Variants in CLDN18 observed in about 807,000 individuals in gnomAD.
The protein encoded by CLDN18 is claudin 18.
A neutral mutation model predicts 25.0 loss-of-function variants in CLDN18; 20 were observed. The ratio of observed to expected loss-of-function variants is 0.80; its 90% CI spans 0.56 to 1.16. The LOEUF (loss-of-function observed/expected upper bound fraction) is 1.16, where lower values mean the gene tolerates loss of function less well. Among genes scored for constraint, CLDN18 ranks in the 50% most tolerant of loss-of-function variants. The probability of loss-of-function intolerance (pLI) is 0.00; values close to 1 mark genes in which losing one functional copy is unlikely to be tolerated. For synonymous variants in CLDN18, 125 were observed against 135.6 expected, an observed-to-expected ratio of 0.92 and a Z score of 0.54; for missense variants, 297 against 345.4, an observed-to-expected ratio of 0.86 and a Z score of 1.11.
chr3:138,007,828 C>T (rs142733697), upstream of CLDN18, among the ~76,000 whole-genome samples: 26 of 152,308 alleles, frequency 1.7e-4, no homozygotes, highest in Non-Finnish European at 3.2e-4. Context: ...TCAATCTATG[C>T]CCACCAGCAG....
chr3:138,001,341 G>C (rs1185581694), intron 1 of CLDN18, among the ~76,000 whole-genome samples: 1 of 151,708 alleles, frequency 6.6e-6, no homozygotes, highest in Non-Finnish European at 1.5e-5. Flanking sequence ...CCTTGAATGG[G>C]GTCCTGGACT....
At chr3:138,008,163 G>A (rs992863894), upstream of CLDN18, among the ~76,000 whole-genome samples, 7 of 147,274 alleles carry the variant, frequency 4.8e-5, no homozygotes, top group Non-Finnish European at 1.0e-4. Flanking sequence ...ACAGAGGCTC[G>A]TTTCCTGGAG....
At chr3:138,026,416 G>C (rs542030146) in intron 3 of CLDN18, among the ~76,000 whole-genome samples, 1 of 152,346 alleles carries the variant, frequency 6.6e-6, no homozygotes, top group African/African-American at 2.4e-5. Context: ...GGGAGGCCAA[G>C]GTGGGTGGAT....
upstream of CLDN18, chr3:138,010,110 G>A: frequency 2.1e-6 from 3 of 1,446,804 alleles, no homozygotes; most frequent in Non-Finnish European, 2.7e-6. Context: ...CAAATACTGA[G>A]AGCCTAGGGA....
Position 138,029,891 on chromosome 3 carries a change from G to C in CLDN18, c.598G>C (p.Ala200Pro). The C allele has an allele frequency of 6.3e-7, 1 of 1,590,954 alleles. No homozygotes were observed. Among genetic ancestry groups the C allele is most frequent in the Non-Finnish European group, 8.6e-7 (1 of 1,168,206 alleles). ...VMMCIACRGL[A>P]PEETNYKAVS... The stretch of plus-strand genomic sequence containing the variant: ...GATGTGCATCGCCTGCCGGGGCCTG[G>C]CACCAGAAGAAACCAAGTGAGTCTC... Residue 200 changes from alanine to proline, a missense_variant, in exon 4 of 5, where the codon GCA becomes CCA. Physicochemically the swap from Ala to Pro is conservative, Grantham distance 27. Transcript: ENST00000183605.
intron 1 of CLDN18, among the ~76,000 whole-genome samples, chr3:137,999,544 C>G (rs1214711028): frequency 1.3e-5 from 2 of 152,138 alleles, no homozygotes; most frequent in Non-Finnish European, 2.9e-5. Context: ...AAGTAAGCAA[C>G]AGCAATAGAA....
intron 4 of CLDN18, 136 bp downstream of exon 4, chr3:138,030,043 C>T (rs574236189): frequency 2.9e-5 from 19 of 647,060 alleles, no homozygotes; most frequent in Non-Finnish European, 5.3e-5. Flanking sequence ...ATCGAAGCTT[C>T]TCTTTTAGGG....
At chr3:138,027,981 T>G (rs1487095550) in intron 3 of CLDN18, among the ~76,000 whole-genome samples, 1 of 152,216 alleles carries the variant, frequency 6.6e-6, no homozygotes, top group Non-Finnish European at 1.5e-5. Flanking sequence ...TCCCAGAACT[T>G]TTTCAAGGAC....
At chr3:138,020,646 G>T (rs1020623664) in intron 1 of CLDN18, among the ~76,000 whole-genome samples, 18 of 152,234 alleles carry the variant, frequency 1.2e-4, no homozygotes, top group Middle Eastern at 3.2e-3. Context: ...AAGGTGACTG[G>T]AGAGAGTTCT....
Position 138,010,403 on chromosome 3 carries a change from T to G in CLDN18, c.178T>G (p.Phe60Val). ...WRSCVRQSSG[F>V]TECRPYFTIL... ...GAGCTGCGTGAGGCAGAGTTCAGGC[T>G]TCACCGAATGCAGGCCCTATTTCAC... is the stretch of plus-strand genomic sequence containing the variant. The change falls in exon 1 of 5, where the codon TTC becomes GTC. Residue 60 changes from phenylalanine (F) to valine (V), a missense_variant. Phe to Val is a conservative substitution (Grantham distance 50). Coordinates refer to ENST00000183605, the MANE Select transcript of CLDN18 (RefSeq NM_016369.4). The G allele has an allele frequency of 6.2e-7, 1 of 1,614,140 alleles. No individual in the cohort carries two copies. Among genetic ancestry groups the G allele is most frequent in the Non-Finnish European group, 8.5e-7 (1 of 1,180,018 alleles).
At chr3:138,011,361 C>T (rs1471832831) in intron 1 of CLDN18, among the ~76,000 whole-genome samples, 1 of 151,948 alleles carries the variant, frequency 6.6e-6, no homozygotes, top group African/African-American at 2.4e-5. Context: ...GCTGTAGAGC[C>T]CTTGAAACTG....
intron 1 of CLDN18, among the ~76,000 whole-genome samples, 158 bp downstream of exon 1, chr3:138,010,603 T>C (rs1347289174): frequency 1.3e-5 from 2 of 152,304 alleles, no homozygotes; most frequent in South Asian, 2.1e-4. Context: ...TCGTGTCTAA[T>C]AGGGCAACAG....
At chr3:138,001,649 G>A (rs960923819) in intron 1 of CLDN18, among the ~76,000 whole-genome samples, 10 of 152,080 alleles carry the variant, frequency 6.6e-5, no homozygotes, top group Non-Finnish European at 1.5e-4. Context: ...CTCTTAAAAC[G>A]TGTGTGCGCA....
At chr3:138,020,668 G>T (rs910238745) in intron 1 of CLDN18, among the ~76,000 whole-genome samples, 1 of 152,222 alleles carries the variant, frequency 6.6e-6, no homozygotes, top group Non-Finnish European at 1.5e-5. Context: ...TCCCAGGACT[G>T]CTGGAGGAGA....
chr3:138,012,568 A>G (rs1432372046), intron 1 of CLDN18, among the ~76,000 whole-genome samples: 1 of 151,084 alleles, frequency 6.6e-6, no homozygotes, highest in African/African-American at 2.4e-5. Context: ...CACCACCCCA[A>G]CTGTCCTCTC....
At chr3:138,020,337 G>C (rs535095307) in intron 1 of CLDN18, among the ~76,000 whole-genome samples, 1 of 152,200 alleles carries the variant, frequency 6.6e-6, no homozygotes, top group African/African-American at 2.4e-5. Flanking sequence ...GTTTCTTTAG[G>C]AGAAGAGAAT....
At position 138,011,702 on chromosome 3, in the gene CLDN18, T is replaced by C; in HGVS notation, c.220+1257T>C. 1.3e-5 allele frequency among the ~76,000 whole-genome samples: 2 copies of C among 152,142 alleles called. 1 individual carries two copies. Among genetic ancestry groups the C allele is most frequent in the Non-Finnish European group, 2.9e-5 (2 of 68,028 alleles). On this transcript the variant is annotated intron_variant, in intron 1 of 4. Coordinates refer to ENST00000183605, the MANE Select transcript of CLDN18 (RefSeq NM_016369.4). ...TAAAGAAAAAATATTGTCCTCATATTCAAAATTAAGGCATGATGTCTTATG... is the reference window on the plus strand; with the variant it reads ...TAAAGAAAAAATATTGTCCTCATATCCAAAATTAAGGCATGATGTCTTATG...
At chr3:138,005,532 T>G (rs1942060190), upstream of CLDN18, among the ~76,000 whole-genome samples, 1 of 152,178 alleles carries the variant, frequency 6.6e-6, no homozygotes, top group African/African-American at 2.4e-5. Context: ...AATGGTTGTT[T>G]CTAGCTTCAT....
chr3:138,016,742 T>C (rs1033314411), intron 1 of CLDN18, among the ~76,000 whole-genome samples: 13 of 152,130 alleles, frequency 8.5e-5, no homozygotes, highest in Non-Finnish European at 1.6e-4. Context: ...GTGAAATGCC[T>C]CACAGTAAGA....
Sources: allele counts gnomAD v4.1 joint callset (sites outside exome capture counted in the v4.1 genomes callset), GRCh38; gene constraint gnomAD v4.1.1; transcripts MANE v1.5; gene names NCBI Gene and HGNC (gene_info 2026-07-23, HGNC 2026-07-21).